The following ZNF804A variants were observed in gnomAD, a reference collection of about 807,000 sequenced individuals.
ZNF804A encodes the protein zinc finger protein 804A.
ZNF804A carries 2 observed loss-of-function variants against 16.5 expected under a neutral mutation model. That is an observed-to-expected ratio of 0.12 (90% CI 0.05 to 0.38). The LOEUF is 0.38. Among genes scored for constraint, ZNF804A ranks in the 10% least tolerant of loss-of-function variants. The probability of loss-of-function intolerance (pLI) is 0.99; values close to 1 mark genes in which losing one functional copy is unlikely to be tolerated. For synonymous variants in ZNF804A, 534 were observed against 489.6 expected (o/e 1.09, Z -1.20); for missense variants, 1,473 against 1,390.7 (o/e 1.06, Z -0.94).
At chr2:184,780,965 G>A (rs957756471) in intron 1 of ZNF804A, among the ~76,000 whole-genome samples, 19 of 151,710 alleles carry the variant, frequency 1.3e-4, no homozygotes, top group Admixed American at 1.1e-3. Context: ...GTCCTTTATA[G>A]AGAATAGCAG....
chr2:184,748,903 C>A (rs188560936), intron 1 of ZNF804A, among the ~76,000 whole-genome samples: 1 of 150,984 alleles, frequency 6.6e-6, no homozygotes, highest in Non-Finnish European at 1.5e-5. Context: ...TGTAGGTGTG[C>A]GGCTTTATTT....
At position 184,936,271 on chromosome 2, in the gene ZNF804A, A is replaced by G; in HGVS notation, c.875A>G (p.Gln292Arg). ...ATGTGCAGAGACAAAGAAACTGTTC[A>G]AACTCAAGAGATAAAAGAAGTCTCT... ...EAMCRDKETV[Q>R]TQEIKEVSSE... Residue 292 changes from glutamine to arginine, a missense_variant, in exon 4 of 4, where the codon CAA (glutamine) becomes CGA (arginine). Physicochemically the swap from Gln to Arg is conservative, Grantham distance 43 (BLOSUM62 1). Transcript: ENST00000302277. 6.2e-7 allele frequency: 1 copy of G among 1,613,996 alleles called. No individual in the cohort carries two copies. The highest frequency in any genetic ancestry group is 8.5e-7 in the Non-Finnish European group (1 of 1,179,968).
At chr2:184,780,739 T>G (rs762364824) in intron 1 of ZNF804A, among the ~76,000 whole-genome samples, 17 of 151,782 alleles carry the variant, frequency 1.1e-4, no homozygotes, top group Non-Finnish European at 2.2e-4. Context: ...AAACCATAAA[T>G]GCTAGGTCTT....
intron 1 of ZNF804A, among the ~76,000 whole-genome samples, chr2:184,712,760 A>G (rs1304141935): frequency 1.3e-5 from 2 of 151,488 alleles, no homozygotes; most frequent in African/African-American, 2.4e-5. Context: ...ATGACCTTCA[A>G]GCTTTCTGGT....
At chr2:184,819,125 G>T (rs1293382478) in intron 1 of ZNF804A, among the ~76,000 whole-genome samples, 1 of 151,784 alleles carries the variant, frequency 6.6e-6, no homozygotes, top group African/African-American at 2.4e-5. Context: ...TCTTCTCATT[G>T]CCACATGGCA....
Position 184,713,105 on chromosome 2 carries a change from G to A in ZNF804A, c.111+114035G>A, listed in dbSNP as rs113195988. Among the ~76,000 whole-genome samples the A allele has an allele frequency of 6.6e-3, 1,004 of 151,588 alleles. 14 individuals are homozygous for A. The highest frequency in any genetic ancestry group is 0.022 in the African/African-American group (924 of 41,382). The stretch of plus-strand genomic sequence containing the variant: ...TTGTTCCTTGTGGCTTTCCATTAGC[G>A]TCTGTATATTTGAAGAAATAGCCAC... On this transcript the variant is annotated intron_variant, in intron 1 of 3. Transcript: ENST00000302277.
chr2:184,840,866 C>A (rs1695426267), intron 1 of ZNF804A, among the ~76,000 whole-genome samples: 1 of 152,042 alleles, frequency 6.6e-6, no homozygotes, highest in Non-Finnish European at 1.5e-5. Context: ...CAAACATAGA[C>A]CCTAGGTATC....
At chr2:184,786,484 T>A (rs1694451061) in intron 1 of ZNF804A, among the ~76,000 whole-genome samples, 2 of 152,028 alleles carry the variant, frequency 1.3e-5, no homozygotes, top group Non-Finnish European at 2.9e-5. Flanking sequence ...AATAGTACCA[T>A]TAAGGAAATA....
At chr2:184,875,225 G>C (rs560572356) in intron 2 of ZNF804A, among the ~76,000 whole-genome samples, 28 of 152,204 alleles carry the variant, frequency 1.8e-4, no homozygotes, top group Non-Finnish European at 3.8e-4. Context: ...ATAGAGTTTA[G>C]ATATTTTTGC....
chr2:184,697,359 A>G (rs955781797), intron 1 of ZNF804A, among the ~76,000 whole-genome samples: 4 of 152,090 alleles, frequency 2.6e-5, no homozygotes, highest in Non-Finnish European at 5.9e-5. Flanking sequence ...TCTGGGTCAT[A>G]GAATCTGTAT....
intron 1 of ZNF804A, among the ~76,000 whole-genome samples, chr2:184,864,664 T>A (rs1330704992): frequency 2.0e-5 from 3 of 152,108 alleles, no homozygotes; most frequent in Non-Finnish European, 4.4e-5. Flanking sequence ...AAAGTATTAG[T>A]CATGTATTAA....
intron 1 of ZNF804A, among the ~76,000 whole-genome samples, chr2:184,767,652 A>G (rs1195908607): frequency 6.6e-6 from 1 of 152,164 alleles, no homozygotes; most frequent in African/African-American, 2.4e-5. Flanking sequence ...TAAAATGATC[A>G]GGCTACTTAA....
chr2:184,761,004 C>G (rs1559143633), intron 1 of ZNF804A, among the ~76,000 whole-genome samples: 1 of 152,070 alleles, frequency 6.6e-6, no homozygotes, highest in African/African-American at 2.4e-5. Context: ...GGTCATATAA[C>G]TAAAACTACA....
intron 1 of ZNF804A, among the ~76,000 whole-genome samples, chr2:184,758,923 A>C (rs1259848864): frequency 6.6e-6 from 1 of 151,890 alleles, no homozygotes. Flanking sequence ...GCATTTCTGC[A>C]AGAAAGTAGT....
chr2:184,848,483 T>C lies in ZNF804A; in HGVS notation c.112-17886T>C, dbSNP rs561991569. On this transcript the variant is annotated intron_variant, in intron 1 of 3. Transcript: ENST00000302277. ...ATATAAGAGGGAAATAAAACAAAGA[T>C]TAAAAAGTATTTCTCTTCTAGAAAA... 2.0e-5 allele frequency among the ~76,000 whole-genome samples: 3 copies of C among 152,156 alleles called. No individual in the cohort carries two copies. In the East Asian group the frequency reaches 5.8e-4, roughly 29 times the overall value.
chr2:184,666,393 A>G (rs1692256413), intron 1 of ZNF804A, among the ~76,000 whole-genome samples: 1 of 152,114 alleles, frequency 6.6e-6, no homozygotes, highest in Non-Finnish European at 1.5e-5. Context: ...GTACAGTATG[A>G]TAATCTATTA....
At chr2:184,917,458 CA>C (rs1293525464) in intron 2 of ZNF804A, among the ~76,000 whole-genome samples, 3 of 148,152 alleles carry the variant, frequency 2.0e-5, no homozygotes, top group Non-Finnish European at 4.5e-5. Flanking sequence ...AAAAGAAAAA[CA>C]AATATGTGTG....
At chr2:184,895,690 C>G (rs563956673) in intron 2 of ZNF804A, among the ~76,000 whole-genome samples, 2 of 152,320 alleles carry the variant, frequency 1.3e-5, no homozygotes, top group African/African-American at 4.8e-5. Context: ...TTGCAATTCT[C>G]AACTCTAGCA....
intron 1 of ZNF804A, among the ~76,000 whole-genome samples, chr2:184,604,239 C>G (rs182755763): frequency 1.0e-4 from 14 of 136,292 alleles, no homozygotes; most frequent in Non-Finnish European, 2.0e-4. Context: ...GGCGCCATCT[C>G]GGCTCACTGC....
Sources: gnomAD v4.1 joint callset for allele counts (sites outside exome capture counted in the v4.1 genomes callset) on GRCh38, gnomAD v4.1.1 for gene constraint, MANE v1.5 for transcripts, NCBI Gene and HGNC (gene_info 2026-07-23, HGNC 2026-07-21) for gene names.